PCDH15: variants seen among roughly 807,000 people sequenced by gnomAD.
The protein encoded by PCDH15 is protocadherin-15.
A neutral mutation model predicts 178.5 loss-of-function variants in PCDH15; 129 were observed. The observed-to-expected ratio is 0.72, with a 90% CI of 0.63 to 0.84. PCDH15 has a LOEUF of 0.84. PCDH15 is among the 40% of genes least tolerant of loss of function. The pLI, the probability that PCDH15 is intolerant of heterozygous loss-of-function variation, is 0.00. For synonymous variants in PCDH15, 800 were observed against 732.0 expected (o/e 1.09, Z -1.50); for missense variants, 2,230 against 2,099.9 (o/e 1.06, Z -1.21).
chr10:53,914,479 T>G (rs1039775970), intron 25 of PCDH15, among the ~76,000 whole-genome samples: 2 of 152,034 alleles, frequency 1.3e-5, no homozygotes, highest in Non-Finnish European at 2.9e-5. Context: ...ATGGATGAAG[T>G]TGGAAACCAT....
At chr10:54,816,413 A>G (rs1485081016) in intron 3 of PCDH15, among the ~76,000 whole-genome samples, 2 of 152,070 alleles carry the variant, frequency 1.3e-5, no homozygotes, top group African/African-American at 4.8e-5. Context: ...AAGCATTTCA[A>G]GGCACTTTAT....
intron 1 of PCDH15, among the ~76,000 whole-genome samples, chr10:55,196,215 AT>A (rs962112433): frequency 4.0e-5 from 6 of 151,848 alleles, no homozygotes; most frequent in African/African-American, 1.5e-4. Context: ...AGTTTATTCC[AT>A]TTTTTTCCAT....
rs944699816 is a variant in PCDH15 at position 54,262,762 on chromosome 10, C to T, written c.877-25831G>A. ...CCCCTCCCTTTGCAAGACCAGACAA[C>T]GAAAGGTATGGCCTGATGGTCGTAG... On this transcript the variant is annotated intron_variant, in intron 8 of 37. Transcript: ENST00000644397. Among the ~76,000 whole-genome samples the T allele has an allele frequency of 3.3e-5, 5 of 152,290 alleles. No individual in the cohort carries two copies. The South Asian group carries it at 6.2e-4, about 19-fold the overall frequency.
chr10:55,171,382 C>T (rs1028522130), intron 1 of PCDH15, among the ~76,000 whole-genome samples: 4 of 152,106 alleles, frequency 2.6e-5, no homozygotes, highest in African/African-American at 9.7e-5. Flanking sequence ...TCTTTTTCAT[C>T]CAACATTTCT....
intron 8 of PCDH15, among the ~76,000 whole-genome samples, chr10:54,314,901 G>A (rs1159702421): frequency 6.6e-6 from 1 of 152,056 alleles, no homozygotes; most frequent in Admixed American, 6.6e-5. Context: ...TATTCCATGT[G>A]GTATATGTAC....
rs142514399 is a variant in PCDH15 at position 54,173,283 on chromosome 10, GTTTC to G, written c.1590+10157_1590+10160del. Among the ~76,000 whole-genome samples, 879 of 152,202 alleles carry G rather than the reference GTTTC, an allele frequency of 5.8e-3. 8 individuals carry two copies. Among genetic ancestry groups the G allele is most frequent in the African/African-American group, 0.02 (831 of 41,560 alleles). ...TAAGGTCATAAACTATATGTTGATAGTTTCTTTATTTCTTATGATTTGGCATCGT... is the reference window on the plus strand; with the variant it reads ...TAAGGTCATAAACTATATGTTGATAGTTTATTTCTTATGATTTGGCATCGT... On this transcript the variant is annotated intron_variant, in intron 13 of 37. Transcript: ENST00000644397.
chr10:54,136,410 T>TG (rs1260733195), intron 14 of PCDH15, among the ~76,000 whole-genome samples: 1 of 152,018 alleles, frequency 6.6e-6, no homozygotes, highest in East Asian at 1.9e-4. Flanking sequence ...TTTTTTTTTT[T>TG]TGACCTGGAA....
chr10:53,879,072 G>C (rs903467185), intron 26 of PCDH15, among the ~76,000 whole-genome samples: 10 of 151,226 alleles, frequency 6.6e-5, no homozygotes, highest in Non-Finnish European at 1.2e-4. Context: ...ATACTTTGTA[G>C]CTATCTTCCT....
chr10:55,317,225 T>C (rs989853453), intron 1 of PCDH15, among the ~76,000 whole-genome samples: 2 of 152,176 alleles, frequency 1.3e-5, no homozygotes, highest in African/African-American at 4.8e-5. Context: ...TAAATGTTAG[T>C]ATACACAAAG....
intron 11 of PCDH15, 147 bp downstream of exon 11, chr10:54,195,536 T>G: frequency 1.5e-6 from 1 of 669,446 alleles, no homozygotes; most frequent in East Asian, 2.7e-5. Context: ...ATCCTTGTTT[T>G]GGAATTAAAT....
chr10:54,785,701 G>A (rs1488962959), intron 1 of PCDH15, among the ~76,000 whole-genome samples: 1 of 151,934 alleles, frequency 6.6e-6, no homozygotes, highest in Non-Finnish European at 1.5e-5. Context: ...CTGAGACAAG[G>A]GGGAAAAAAG....
At chr10:53,965,585 A>G (rs1376122279) in intron 21 of PCDH15, among the ~76,000 whole-genome samples, 1 of 152,198 alleles carries the variant, frequency 6.6e-6, no homozygotes, top group African/African-American at 2.4e-5. Context: ...GTGCTTGGCA[A>G]AGATACTATA....
At chr10:55,164,431 AT>A (rs1839143859) in intron 2 of PCDH15, among the ~76,000 whole-genome samples, 1 of 150,322 alleles carries the variant, frequency 6.7e-6, no homozygotes. Flanking sequence ...AAATATATTT[AT>A]TTAATATAAT....
At chr10:55,409,383 C>T (rs947570159) in intron 2 of PCDH15, among the ~76,000 whole-genome samples, 6 of 152,058 alleles carry the variant, frequency 3.9e-5, no homozygotes, top group Non-Finnish European at 8.8e-5. Context: ...TGTTACTGTC[C>T]AATCATGAAA....
intron 2 of PCDH15, among the ~76,000 whole-genome samples, chr10:55,455,616 A>G (rs982097077): frequency 2.0e-5 from 3 of 148,778 alleles, no homozygotes; most frequent in African/African-American, 7.5e-5. Context: ...TTGAAAAAAA[A>G]GGTGAATAAG....
At chr10:54,964,334 G>A (rs7085078) in intron 2 of PCDH15, among the ~76,000 whole-genome samples, 4 of 152,164 alleles carry the variant, frequency 2.6e-5, no homozygotes, top group Non-Finnish European at 5.9e-5. Flanking sequence ...ATTTTGGAAT[G>A]TAAGTACATT....
At chr10:55,514,218 T>C (rs1840954532) in intron 2 of PCDH15, among the ~76,000 whole-genome samples, 1 of 152,150 alleles carries the variant, frequency 6.6e-6, no homozygotes, top group Admixed American at 6.6e-5. Context: ...TGTTACAAAG[T>C]CATTCAAGGT....
At chr10:54,902,911 G>T (rs890142951) in intron 2 of PCDH15, among the ~76,000 whole-genome samples, 18 of 152,142 alleles carry the variant, frequency 1.2e-4, no homozygotes, top group African/African-American at 4.3e-4. Flanking sequence ...CTGTACTTGG[G>T]CAAGCTGCTT....
chr10:54,920,886 A>G (rs1837468650), intron 2 of PCDH15, among the ~76,000 whole-genome samples: 1 of 152,182 alleles, frequency 6.6e-6, no homozygotes, highest in African/African-American at 2.4e-5. Context: ...GTAATGATGA[A>G]TTATTTTGAT....
Sources: allele counts gnomAD v4.1 joint callset (sites outside exome capture counted in the v4.1 genomes callset), GRCh38; gene constraint gnomAD v4.1.1; transcripts MANE v1.5; gene names NCBI Gene and HGNC (gene_info 2026-07-23, HGNC 2026-07-21).